The following ANO3 variants were observed in gnomAD, a reference collection of about 807,000 sequenced individuals.
ANO3 encodes the protein anoctamin-3.
In ANO3, 99 loss-of-function variants were observed where a neutral mutation model predicts 144.8. The ratio of observed to expected loss-of-function variants is 0.68; its 90% CI spans 0.58 to 0.81. ANO3 has a LOEUF of 0.81. Among genes scored for constraint, ANO3 ranks in the 30% least tolerant of loss-of-function variants. The pLI is 0.00. For synonymous variants in ANO3, 414 were observed against 392.6 expected (o/e 1.05, Z -0.64); for missense variants, 905 against 1,202.2 (o/e 0.75, Z 3.66).
rs1287409719 is a variant in ANO3 at position 26,431,952 on chromosome 11, C to CT, written c.47-9958dup. ...GAGATCGCTGGTTTGAATAGTAATT[C>CT]TTTTTTTTAGCTCTTTGAGGAATCA... On this transcript the variant is annotated intron_variant, in intron 1 of 26. Coordinates refer to ENST00000256737, the MANE Select transcript of ANO3 (RefSeq NM_031418.4). Among the ~76,000 whole-genome samples, 22 of 152,014 alleles carry CT rather than the reference C, an allele frequency of 1.4e-4. No homozygotes were observed. The East Asian group carries it at 1.5e-3, about 11-fold the overall frequency.
At chr11:26,476,932 T>A (rs55829999) in intron 4 of ANO3, among the ~76,000 whole-genome samples, 6,002 of 133,834 alleles carry the variant, frequency 0.045, 236 homozygotes, top group African/African-American at 0.12. Context: ...TGTGTGTGTG[T>A]GAGAGAGAGA....
chr11:26,372,926 G>A (rs553046127), intron 1 of ANO3, among the ~76,000 whole-genome samples: 1 of 151,938 alleles, frequency 6.6e-6, no homozygotes, highest in Non-Finnish European at 1.5e-5. Flanking sequence ...CAGTATGTTT[G>A]TTATAGATTA....
chr11:26,491,554 A>G (rs1476503014), intron 4 of ANO3, among the ~76,000 whole-genome samples: 1 of 152,208 alleles, frequency 6.6e-6, no homozygotes, highest in Non-Finnish European at 1.5e-5. Flanking sequence ...GTATTCAGAA[A>G]ACAGAAGCAG....
chr11:26,410,919 C>T (rs1857413130), intron 1 of ANO3, among the ~76,000 whole-genome samples: 1 of 151,994 alleles, frequency 6.6e-6, no homozygotes, highest in Non-Finnish European at 1.5e-5. Flanking sequence ...AAGATATTGC[C>T]AGCTGTCAGA....
intron 24 of ANO3, among the ~76,000 whole-genome samples, chr11:26,655,787 ATAT>A (rs757949562): frequency 1.6e-4 from 24 of 152,306 alleles, no homozygotes; most frequent in Admixed American, 2.6e-4. Flanking sequence ...TAATTGAATA[ATAT>A]TATGTGCATG....
intron 9 of ANO3, 57 bp downstream of exon 9, chr11:26,534,619 T>G: frequency 7.9e-7 from 1 of 1,261,238 alleles, no homozygotes; most frequent in Non-Finnish European, 1.1e-6. Flanking sequence ...ATACCCAGAA[T>G]TATTGTTTTT....
chr11:26,631,778 G>T (rs1250151573), intron 18 of ANO3, among the ~76,000 whole-genome samples: 1 of 152,250 alleles, frequency 6.6e-6, no homozygotes, highest in Non-Finnish European at 1.5e-5. Context: ...TAACATGTCA[G>T]TATAATAATC....
At chr11:26,344,525 C>T (rs565700355) in intron 1 of ANO3, among the ~76,000 whole-genome samples, 121 of 151,934 alleles carry the variant, frequency 8.0e-4, no homozygotes, top group African/African-American at 2.0e-3. Flanking sequence ...GCCACCATGC[C>T]GGCTGATTTT....
intron 6 of ANO3, among the ~76,000 whole-genome samples, chr11:26,520,099 TA>T (rs1862012937): frequency 1.3e-5 from 2 of 152,294 alleles, no homozygotes; most frequent in South Asian, 4.1e-4. Context: ...AACTTAGATT[TA>T]AAAAATCTTT....
intron 4 of ANO3, among the ~76,000 whole-genome samples, chr11:26,488,773 A>G (rs1860574237): frequency 6.6e-6 from 1 of 152,158 alleles, no homozygotes; most frequent in Non-Finnish European, 1.5e-5. Flanking sequence ...AGCAACATTT[A>G]TCATGAAGAG....
chr11:26,269,156 T>C (rs938070190), intron 1 of ANO3, among the ~76,000 whole-genome samples: 1 of 152,106 alleles, frequency 6.6e-6, no homozygotes, highest in Non-Finnish European at 1.5e-5. Flanking sequence ...AATAATACAC[T>C]TCAGGACTCA....
At chr11:26,267,393 T>C (rs1033415726) in intron 1 of ANO3, among the ~76,000 whole-genome samples, 1 of 152,210 alleles carries the variant, frequency 6.6e-6, no homozygotes, top group Non-Finnish European at 1.5e-5. Flanking sequence ...TTATATTACA[T>C]GTCAAGTATT....
intron 1 of ANO3, among the ~76,000 whole-genome samples, chr11:26,300,343 C>A (rs766713027): frequency 6.6e-6 from 1 of 152,066 alleles, no homozygotes; most frequent in Admixed American, 6.6e-5. Flanking sequence ...CCTTTTGGCT[C>A]CATCTCTCTC....
At chr11:26,306,952 G>A (rs1854398392), upstream of ANO3, among the ~76,000 whole-genome samples, 1 of 151,574 alleles carries the variant, frequency 6.6e-6, no homozygotes, top group Non-Finnish European at 1.5e-5. Flanking sequence ...TGAAGCTTCA[G>A]TCTACTTTTT....
intron 1 of ANO3, among the ~76,000 whole-genome samples, chr11:26,233,233 A>G (rs1852442575): frequency 6.6e-6 from 1 of 151,772 alleles, no homozygotes; most frequent in African/African-American, 2.4e-5. Flanking sequence ...AAAAAAAGAA[A>G]AGAAAAGAAA....
rs575967968 is a variant in ANO3, at chr11:26,500,878, T to C, written c.433-7226T>C. Among the ~76,000 whole-genome samples, 199 of 152,250 alleles carry C rather than the reference T, an allele frequency of 1.3e-3. 1 individual carries two copies. The highest frequency in any genetic ancestry group is 3.9e-3 in the African/African-American group (163 of 41,570). On this transcript the variant is annotated intron_variant, in intron 4 of 26. Coordinates refer to ENST00000256737, the MANE Select transcript of ANO3 (RefSeq NM_031418.4). ...GCTATTAGGAGGAAACAGTTGTAGCTGTAAAATAAGTTTTAATTACATACC... is the reference window on the plus strand; with the variant it reads ...GCTATTAGGAGGAAACAGTTGTAGCCGTAAAATAAGTTTTAATTACATACC...
At chr11:26,190,943 G>T (rs117244157) in intron 1 of ANO3, among the ~76,000 whole-genome samples, 86 of 152,104 alleles carry the variant, frequency 5.7e-4, no homozygotes, top group African/African-American at 1.7e-3. Context: ...TATTGCAGTC[G>T]CATTTATGTG....
chr11:26,190,773 G>C (rs186194048), intron 1 of ANO3, among the ~76,000 whole-genome samples: 18 of 152,244 alleles, frequency 1.2e-4, no homozygotes, highest in Admixed American at 1.0e-3. Flanking sequence ...GTCATTTCCA[G>C]AGATGCATAC....
intron 4 of ANO3, among the ~76,000 whole-genome samples, chr11:26,473,006 G>T (rs1859837236): frequency 6.6e-6 from 1 of 151,824 alleles, no homozygotes; most frequent in South Asian, 2.1e-4. Flanking sequence ...TCCAGATGAG[G>T]GTTTCAGTCA....
Sources: allele counts gnomAD v4.1 joint callset (sites outside exome capture counted in the v4.1 genomes callset), GRCh38; gene constraint gnomAD v4.1.1; transcripts MANE v1.5; gene names NCBI Gene and HGNC (gene_info 2026-07-23, HGNC 2026-07-21).